The following SSC4D variants were observed in gnomAD, a reference collection of about 807,000 sequenced individuals.
SSC4D encodes the protein scavenger receptor cysteine rich family member with 4 domains.
A neutral mutation model predicts 63.4 loss-of-function variants in SSC4D; 57 were observed. The ratio of observed to expected loss-of-function variants is 0.90; its 90% CI spans 0.73 to 1.12. The LOEUF (loss-of-function observed/expected upper bound fraction) is 1.12, where lower values mean the gene tolerates loss of function less well. Among genes scored for constraint, SSC4D ranks in the 50% most tolerant of loss-of-function variants. The pLI, the probability that SSC4D is intolerant of heterozygous loss-of-function variation, is 0.00. For missense variants in SSC4D, 791 were observed against 806.4 expected (o/e 0.98, Z 0.23); for synonymous variants, 352 against 345.4 (o/e 1.02, Z -0.21).
chr7:76,398,854 G>T, intron 4 of SSC4D, 57 bp from the exon 5 acceptor site: 1 of 1,583,472 alleles, frequency 6.3e-7, no homozygotes. Context: ...CTCACACCAC[G>T]GGGTGTTTAA....
intron 1 of SSC4D, among the ~76,000 whole-genome samples, chr7:76,407,477 G>A (rs1162360422): frequency 2.6e-5 from 4 of 152,192 alleles, no homozygotes; most frequent in African/African-American, 7.2e-5. Flanking sequence ...GATTACAGGC[G>A]GGTATCACCA....
chr7:76,404,291 A>G lies in SSC4D; in HGVS notation c.133+16T>C. ...CAGAAAGAGGAAGTGGCAAGGGCTA[A>G]CAGGGGAGGACTCACCCAGTGGCAG... On this transcript the variant is annotated intron_variant, in intron 2 of 10. Transcript: ENST00000275560. 1 of 1,567,042 alleles carries G rather than the reference A, an allele frequency of 6.4e-7. No homozygotes were observed. Among genetic ancestry groups the G allele is most frequent in the Non-Finnish European group, 8.6e-7 (1 of 1,158,104 alleles).
Position 76,397,888 on chromosome 7 carries a change from G to A in SSC4D, c.554-56C>T. 4.1e-6 allele frequency: 6 copies of A among 1,446,520 alleles called. No homozygotes were observed. The Admixed American group carries it at 1.0e-4, about 25-fold the overall frequency. 89.6% of individuals were successfully genotyped at this position (1,446,520 alleles called of 1,614,324 possible). A position where few individuals can be genotyped will look rare whatever the true frequency, so the allele number is the denominator to read the frequency against. ...CTCCCACTGGCCTCTGCCCCCGTCC[G>A]CACCGCAAGGGCAGCCCGGTGTCCC... On this transcript the variant is annotated intron_variant, in intron 5 of 10. Coordinates refer to ENST00000275560, the MANE Select transcript of SSC4D (RefSeq NM_080744.2).
At chr7:76,393,171 G>A (rs1804530480) in intron 9 of SSC4D, among the ~76,000 whole-genome samples, 1 of 151,904 alleles carries the variant, frequency 6.6e-6, no homozygotes, top group African/African-American at 2.4e-5. Flanking sequence ...GCTGCACCAC[G>A]CGGCGCTCAC....
chr7:76,390,341 G>A lies in SSC4D; in HGVS notation c.1446C>T (p.Cys482=), dbSNP rs771073189. 29 of 1,603,862 alleles carry A rather than the reference G, an allele frequency of 1.8e-5. No individual in the cohort carries two copies. The highest frequency in any genetic ancestry group is 1.0e-4 in the Admixed American group (6 of 59,312). ...HLRLVNGAHR[C]EGRVELYLGQ... ...CTAGGTAGAGCTCTACACGTCCCTC[G>A]CATCGGTGGGCTCCATTGACCAGAC... Residue 482 remains cysteine, a synonymous_variant, in exon 11 of 11, where the codon TGC becomes TGT. Coordinates refer to ENST00000275560, the MANE Select transcript of SSC4D (RefSeq NM_080744.2).
At position 76,393,865 on chromosome 7, in the gene SSC4D, A is replaced by G; in HGVS notation, c.986T>C (p.Leu329Pro). ...CGCGGCCCAGGCGGCGGTGGTGAGC[A>G]GTGCTGTCTCCCGGGAAGGCTGGGG... ...VGPQPSRETA[L>P]LTTAAWAAGK... is the part of the protein sequence containing the mutation. The change falls in exon 8 of 11, where the codon CTG (leucine) becomes CCG (proline). Residue 329 changes from leucine to proline, a missense_variant. Physicochemically the swap from Leu to Pro is moderately conservative, Grantham distance 98 (BLOSUM62 -3). Transcript: ENST00000275560. 6.2e-7 allele frequency: 1 copy of G among 1,606,974 alleles called. No individual in the cohort carries two copies. Among genetic ancestry groups the G allele is most frequent in the Non-Finnish European group, 8.5e-7 (1 of 1,176,532 alleles).
At chr7:76,400,704 C>A in intron 3 of SSC4D, 113 bp from the exon 4 acceptor site, 1 of 1,215,168 alleles carries the variant, frequency 8.2e-7, no homozygotes, top group South Asian at 1.7e-5. Flanking sequence ...GACGGGGTCT[C>A]ACTATGTTGC....
chr7:76,397,868 A>C (rs1192241318), intron 5 of SSC4D, 36 bp from the exon 6 acceptor site: 1 of 1,485,502 alleles, frequency 6.7e-7, no homozygotes, highest in Non-Finnish European at 9.0e-7. Flanking sequence ...CGCATCTCCC[A>C]CTGGCCTCTG....
chr7:76,396,226 A>G (rs1030732887), intron 6 of SSC4D, among the ~76,000 whole-genome samples: 2 of 152,220 alleles, frequency 1.3e-5, no homozygotes, highest in Non-Finnish European at 2.9e-5. Context: ...CAAATTGAGG[A>G]CTAGCTAAAA....
At chr7:76,407,508 T>A (rs1805079531) in intron 1 of SSC4D, among the ~76,000 whole-genome samples, 1 of 151,404 alleles carries the variant, frequency 6.6e-6, no homozygotes, top group Admixed American at 6.6e-5. Context: ...ATTGAGGGAG[T>A]ATCTCTTGAG....
chr7:76,389,818 C>A lies in SSC4D; in HGVS notation c.*241G>T. On this transcript the variant is annotated 3_prime_UTR_variant, in exon 11 of 11. Coordinates refer to ENST00000275560, the MANE Select transcript of SSC4D (RefSeq NM_080744.2). ...TCGTTTTGGTTTTGGCTGAGCAAAA[C>A]CACAGGAGCTTTCACTGAATTGGGC... 1 of 566,150 alleles carries A rather than the reference C, an allele frequency of 1.8e-6. No homozygotes were observed. The highest frequency in any genetic ancestry group is 3.1e-6 in the Non-Finnish European group (1 of 321,174). 35.1% of individuals were successfully genotyped at this position (566,150 alleles called of 1,614,324 possible).
At chr7:76,390,678 G>A (rs1406926422) in intron 10 of SSC4D, among the ~76,000 whole-genome samples, 3 of 152,164 alleles carry the variant, frequency 2.0e-5, no homozygotes, top group South Asian at 2.1e-4. Context: ...TTAGCTGGGC[G>A]TGGTGGCGGG....
chr7:76,391,824 T>G, intron 10 of SSC4D, 140 bp downstream of exon 10: 1 of 851,128 alleles, frequency 1.2e-6, no homozygotes, highest in Non-Finnish European at 1.9e-6. Flanking sequence ...AAAGGAGGCC[T>G]GAGACCAACA....
intron 10 of SSC4D, among the ~76,000 whole-genome samples, chr7:76,390,948 C>T (rs1428288998): frequency 6.6e-6 from 1 of 151,978 alleles, no homozygotes; most frequent in African/African-American, 2.4e-5. Context: ...ATAGCAAGAC[C>T]CTGTCTCTAA....
chr7:76,396,838 G>A (rs979361137), intron 6 of SSC4D, among the ~76,000 whole-genome samples: 2 of 152,206 alleles, frequency 1.3e-5, no homozygotes, highest in Non-Finnish European at 2.9e-5. Flanking sequence ...AAATTGGAGA[G>A]GGCCTAGGTG....
At chr7:76,396,964 T>A (rs1298165277) in intron 6 of SSC4D, among the ~76,000 whole-genome samples, 1 of 152,098 alleles carries the variant, frequency 6.6e-6, no homozygotes, top group East Asian at 1.9e-4. Flanking sequence ...TTACTCCGAG[T>A]GTTATCCTAG....
Position 76,389,923 on chromosome 7 carries a change from TGTCTAGGTAGGCTCTCTCCCA to T in SSC4D, c.*115_*135del, listed in dbSNP as rs1804455340. Reference sequence around the variant, plus strand: ...CAGGCTCCCCCAAGCAGGACTGCACTGTCTAGGTAGGCTCTCTCCCAGGCAAGGGAAGGAGGGGCAAAGTGA... The same window carrying T: ...CAGGCTCCCCCAAGCAGGACTGCACTGGCAAGGGAAGGAGGGGCAAAGTGA... On this transcript the variant is annotated 3_prime_UTR_variant, in exon 11 of 11. Coordinates refer to ENST00000275560, the MANE Select transcript of SSC4D (RefSeq NM_080744.2). The T allele has an allele frequency of 5.2e-6, 6 of 1,157,656 alleles. No individual in the cohort carries two copies. The South Asian group carries it at 7.3e-5, about 14-fold the overall frequency. 71.7% of individuals were successfully genotyped at this position (1,157,656 alleles called of 1,614,324 possible). A position where few individuals can be genotyped will look rare whatever the true frequency, so the allele number is the denominator to read the frequency against.
At position 76,409,678 on chromosome 7, in the gene SSC4D, T is replaced by C. The variant is rs929369335; in HGVS notation, c.-331A>G. On this transcript the variant is annotated 5_prime_UTR_variant, in exon 1 of 11. Coordinates refer to ENST00000275560, the MANE Select transcript of SSC4D (RefSeq NM_080744.2). ...GGGAGTGGAGGTGGCCGGCACCAGCTGGAGCGGCCCCAGAAAAAGGGCACC... is the reference window on the plus strand; with the variant it reads ...GGGAGTGGAGGTGGCCGGCACCAGCCGGAGCGGCCCCAGAAAAAGGGCACC... 1 of 152,490 alleles carries C rather than the reference T, an allele frequency of 6.6e-6. No homozygotes were observed. The highest frequency in any genetic ancestry group is 2.4e-5 in the African/African-American group (1 of 41,454). 9.4% of individuals were successfully genotyped at this position (152,490 alleles called of 1,614,324 possible).
intron 1 of SSC4D, among the ~76,000 whole-genome samples, chr7:76,405,588 GAA>G (rs1210505125): frequency 1.3e-5 from 2 of 151,558 alleles, no homozygotes; most frequent in Non-Finnish European, 2.9e-5. Flanking sequence ...GCAGGAAAAA[GAA>G]AAAAGTTCCA....
Sources: allele counts gnomAD v4.1 joint callset (sites outside exome capture counted in the v4.1 genomes callset), GRCh38; gene constraint gnomAD v4.1.1; transcripts MANE v1.5; gene names NCBI Gene and HGNC (gene_info 2026-07-23, HGNC 2026-07-21).